The following ALDH7A1 variants were observed in gnomAD, a reference collection of about 807,000 sequenced individuals.
ALDH7A1 encodes the protein alpha-aminoadipic semialdehyde dehydrogenase.
ALDH7A1 carries 63 observed loss-of-function variants against 79.9 expected under a neutral mutation model. The ratio of observed to expected loss-of-function variants is 0.79; its 90% CI spans 0.64 to 0.97. ALDH7A1 has a LOEUF of 0.97. Among genes scored for constraint, ALDH7A1 ranks in the 50% least tolerant of loss-of-function variants. The probability of loss-of-function intolerance (pLI) is 0.00; values close to 1 mark genes in which losing one functional copy is unlikely to be tolerated. For missense variants in ALDH7A1, 627 were observed against 665.2 expected, an observed-to-expected ratio of 0.94 and a Z score of 0.63; for synonymous variants, 240 against 231.2, an observed-to-expected ratio of 1.04 and a Z score of -0.34.
In ALDH7A1 at chr5:126,549,095, AAAAAAG is replaced by A. The variant is rs1420464000; in HGVS notation, c.1489+828_1489+833del. ...GCTCAAAAAAAAAAAAAAAAAAAAAAAAAAAGGAATAGTCAATCAGAGAGAGCAGGC... is the reference window on the plus strand; with the variant it reads ...GCTCAAAAAAAAAAAAAAAAAAAAAAGAATAGTCAATCAGAGAGAGCAGGC... On this transcript the variant is annotated intron_variant, in intron 16 of 17. Transcript: ENST00000409134. Among the ~76,000 whole-genome samples the A allele has an allele frequency of 3.2e-3, 450 of 141,506 alleles. 5 individuals are homozygous for A. The highest frequency in any genetic ancestry group is 0.011 in the Admixed American group (146 of 13,250). 92.8% of individuals were successfully genotyped at this position (141,506 alleles called of 152,430 possible).
chr5:126,559,717 G>C (rs1343645515), intron 10 of ALDH7A1, among the ~76,000 whole-genome samples: 1 of 152,132 alleles, frequency 6.6e-6, no homozygotes, highest in Non-Finnish European at 1.5e-5. Flanking sequence ...ACAGGCGTGA[G>C]CCACTGTGCC....
At chr5:126,563,583 T>C (rs937032508) in intron 9 of ALDH7A1, among the ~76,000 whole-genome samples, 4 of 152,044 alleles carry the variant, frequency 2.6e-5, no homozygotes, top group Admixed American at 2.6e-4. Flanking sequence ...CTCCGCCTCC[T>C]GGGTTCAAGT....
chr5:126,566,886 T>C (rs552673172), intron 9 of ALDH7A1, among the ~76,000 whole-genome samples: 19 of 152,342 alleles, frequency 1.2e-4, no homozygotes, highest in South Asian at 2.1e-4. Flanking sequence ...ATTTGCCAAA[T>C]AGGACTAGTA....
intron 9 of ALDH7A1, among the ~76,000 whole-genome samples, chr5:126,563,534 G>C (rs1004113547): frequency 2.0e-5 from 3 of 152,170 alleles, no homozygotes; most frequent in African/African-American, 7.2e-5. Flanking sequence ...CTGTTGCCCA[G>C]GCTGGAGTGC....
intron 9 of ALDH7A1, chr5:126,561,447 TACTC>T (rs1298900955): frequency 4.1e-5 from 8 of 192,798 alleles, no homozygotes; most frequent in East Asian, 1.3e-4. Flanking sequence ...ATCTTTGACT[TACTC>T]CAAACAGTTC....
At chr5:126,566,450 C>A (rs1018389584) in intron 9 of ALDH7A1, among the ~76,000 whole-genome samples, 1 of 152,062 alleles carries the variant, frequency 6.6e-6, no homozygotes, top group Non-Finnish European at 1.5e-5. Context: ...CCTTGCTGAC[C>A]TTTTTCATTA....
At chr5:126,593,292 T>C in intron 2 of ALDH7A1, 59 bp downstream of exon 2, 1 of 1,584,560 alleles carries the variant, frequency 6.3e-7, no homozygotes. Flanking sequence ...AAACTCCTTG[T>C]GTATAATTTG....
intron 1 of ALDH7A1, among the ~76,000 whole-genome samples, chr5:126,594,797 A>G (rs1285229475): frequency 6.6e-6 from 1 of 152,048 alleles, no homozygotes; most frequent in Non-Finnish European, 1.5e-5. Context: ...CAGCTCCAAA[A>G]TGACGTCGAT....
At chr5:126,548,963 A>G (rs1205384319) in intron 16 of ALDH7A1, among the ~76,000 whole-genome samples, 1 of 146,536 alleles carries the variant, frequency 6.8e-6, no homozygotes, top group Middle Eastern at 3.3e-3. Context: ...AATCTCAGCT[A>G]TTCATGAGGC....
rs1007871645 is a variant in ALDH7A1 at position 126,593,375 on chromosome 5, G to T, written c.222C>A (p.Asn74Lys). The stretch of plus-strand genomic sequence containing the variant: ...CCTGTCGGACTCTTGCTATTGGCTC[G>T]TTGTTAGCAGGGCAATAGGTCGTAA... ...EVITTYCPAN[N>K]EPIARVRQAS... The change falls in exon 2 of 18, where the codon AAC (asparagine) becomes AAA (lysine). Residue 74 changes from asparagine (N) to lysine (K), a missense_variant. Coordinates refer to ENST00000409134, the MANE Select transcript of ALDH7A1 (RefSeq NM_001182.5). The T allele has an allele frequency of 1.2e-6, 2 of 1,612,114 alleles. No individual in the cohort carries two copies. The highest frequency in any genetic ancestry group is 1.7e-6 in the Non-Finnish European group (2 of 1,179,864).
chr5:126,578,660 GA>G (rs1203181184), intron 5 of ALDH7A1, among the ~76,000 whole-genome samples: 67 of 143,024 alleles, frequency 4.7e-4, no homozygotes, highest in African/African-American at 1.5e-3. Flanking sequence ...AAAAAAGAAA[GA>G]AAAGAAAAGA....
At position 126,552,073 on chromosome 5, in the gene ALDH7A1, G is replaced by C. The variant is rs1253321873; in HGVS notation, c.1265C>G (p.Ser422Cys). ...TIVTGLGHDASIAHTETFAPI... is the reference protein window; with the variant it reads ...TIVTGLGHDACIAHTETFAPI... ...AGCAAAAGTCTCTGTGTGTGCAATG[G>C]ACGCATCGTGGCCAAGACCTGTCAC... Residue 422 changes from serine (S) to cysteine (C), a missense_variant, in exon 14 of 18, where the codon TCC becomes TGC. Coordinates refer to ENST00000409134, the MANE Select transcript of ALDH7A1 (RefSeq NM_001182.5). 3 of 1,614,044 alleles carry C rather than the reference G, an allele frequency of 1.9e-6. No homozygotes were observed. The African/African-American group carries it at 4.0e-5, about 22-fold the overall frequency.
chr5:126,565,990 G>A (rs1192591879), intron 9 of ALDH7A1, among the ~76,000 whole-genome samples: 1 of 152,102 alleles, frequency 6.6e-6, no homozygotes, highest in Non-Finnish European at 1.5e-5. Context: ...TCATAGTTTT[G>A]CCGTAAATTT....
chr5:126,569,672 C>T (rs1404283521), intron 8 of ALDH7A1: 1 of 152,154 alleles, frequency 6.6e-6, no homozygotes, highest in Non-Finnish European at 1.5e-5. Flanking sequence ...GACTAAATAC[C>T]TAGAATGCAA....
Position 126,595,160 on chromosome 5 carries a change from T to C in ALDH7A1, c.39A>G (p.Ala13=), listed in dbSNP as rs201566142. The C allele has an allele frequency of 1.4e-4, 222 of 1,555,882 alleles. 1 individual carries two copies. In the East Asian group the frequency reaches 3.4e-3, roughly 24 times the overall value. ...AAGGTCCAGAGAGCTTGCTGGTCTTTGCAGCGTGCACACACAGCGCGCGAG... is the reference window on the plus strand; with the variant it reads ...AAGGTCCAGAGAGCTTGCTGGTCTTCGCAGCGTGCACACACAGCGCGCGAG... The part of the protein sequence containing the change: ...RLPRALCVHA[A]KTSKLSGPWS... The change falls in exon 1 of 18, where the codon GCA becomes GCG. Residue 13 remains alanine (A), a synonymous_variant. Transcript: ENST00000409134.
intron 15 of ALDH7A1, 78 bp from the exon 16 acceptor site, chr5:126,550,080 C>CA (rs1749938033): frequency 1.3e-6 from 2 of 1,566,354 alleles, no homozygotes; most frequent in African/African-American, 1.4e-5. Context: ...AAATCTAAAC[C>CA]AAAGCTCAAA....
At chr5:126,559,438 T>G (rs1312962784) in intron 10 of ALDH7A1, 104 bp from the exon 11 acceptor site, 5 of 788,950 alleles carry the variant, frequency 6.3e-6, no homozygotes, top group Non-Finnish European at 1.0e-5. Flanking sequence ...GTTTTGGTTT[T>G]TTTTTTTTTT....
chr5:126,563,449 T>G (rs574319460), intron 9 of ALDH7A1, among the ~76,000 whole-genome samples: 2 of 152,354 alleles, frequency 1.3e-5, no homozygotes, highest in South Asian at 4.1e-4. Context: ...TTGACAGACA[T>G]TGCCAACCTA....
Position 126,559,434 on chromosome 5 carries a change from G to GTTTT in ALDH7A1, c.914-104_914-101dup, listed in dbSNP as rs759132307. ...ATGTTGTTTTTTGTTTTTGGTTTTG[G>GTTTT]TTTTTTTTTTTTTTTTTTGAGACAG... On this transcript the variant is annotated intron_variant, in intron 10 of 17. Coordinates refer to ENST00000409134, the MANE Select transcript of ALDH7A1 (RefSeq NM_001182.5). 721 of 441,612 alleles carry GTTTT rather than the reference G, an allele frequency of 1.6e-3. 1 individual carries two copies. Among genetic ancestry groups the GTTTT allele is most frequent in the Non-Finnish European group, 2.3e-3 (589 of 253,656 alleles). The allele number at this position is 441,612 out of a possible 1,614,324, so 27.4% of individuals were successfully genotyped here. A position where few individuals can be genotyped will look rare whatever the true frequency, so the allele number is the denominator to read the frequency against.
Sources: gnomAD v4.1 joint callset for allele counts (sites outside exome capture counted in the v4.1 genomes callset) on GRCh38, gnomAD v4.1.1 for gene constraint, MANE v1.5 for transcripts, NCBI Gene and HGNC (gene_info 2026-07-23, HGNC 2026-07-21) for gene names.